The following RAB2A variants were observed in gnomAD, a reference collection of about 807,000 sequenced individuals.
The protein encoded by RAB2A is ras-related protein Rab-2A.
Under a neutral mutation model 32.5 loss-of-function variants are expected in RAB2A, and 7 were observed. The observed-to-expected ratio is 0.22, with a 90% CI of 0.12 to 0.40. The LOEUF (loss-of-function observed/expected upper bound fraction) is 0.40, where lower values mean the gene tolerates loss of function less well. Among genes scored for constraint, RAB2A ranks in the 10% least tolerant of loss-of-function variants. The pLI, the probability that RAB2A is intolerant of heterozygous loss-of-function variation, is 1.00. For synonymous variants in RAB2A, 79 were observed against 85.2 expected, an observed-to-expected ratio of 0.93 and a Z score of 0.40; for missense variants, 108 against 260.7, an observed-to-expected ratio of 0.41 and a Z score of 4.03.
intron 2 of RAB2A, among the ~76,000 whole-genome samples, chr8:60,570,726 C>T (rs1808186368): frequency 6.6e-6 from 1 of 152,114 alleles, no homozygotes; most frequent in Admixed American, 6.5e-5. Context: ...TAAACATCAT[C>T]TTAGTTTCTT....
At chr8:60,540,590 G>A (rs1054755896) in intron 1 of RAB2A, among the ~76,000 whole-genome samples, 1 of 152,078 alleles carries the variant, frequency 6.6e-6, no homozygotes, top group African/African-American at 2.4e-5. Context: ...AGCGATTCCC[G>A]TGCCTCAGCC....
chr8:60,560,382 C>G (rs1421077558), intron 2 of RAB2A, among the ~76,000 whole-genome samples: 1 of 152,200 alleles, frequency 6.6e-6, no homozygotes, highest in Non-Finnish European at 1.5e-5. Flanking sequence ...AGCCACCGCA[C>G]TGGCCTGTTT....
At chr8:60,523,903 G>T (rs561476233) in intron 1 of RAB2A, among the ~76,000 whole-genome samples, 1 of 151,938 alleles carries the variant, frequency 6.6e-6, no homozygotes, top group Non-Finnish European at 1.5e-5. Context: ...TGTTAGCCAG[G>T]ATAGTCTCGA....
chr8:60,532,590 A>C lies in RAB2A; in HGVS notation c.46+15337A>C, dbSNP rs182244405. Reference sequence around the variant, plus strand: ...CAGTGGCATAGTCTCAGCTCACTGCAACCTCTGTCTCCCGGGCTCAAGTGA... The same window carrying C: ...CAGTGGCATAGTCTCAGCTCACTGCCACCTCTGTCTCCCGGGCTCAAGTGA... On this transcript the variant is annotated intron_variant, in intron 1 of 7. Transcript: ENST00000262646. Among the ~76,000 whole-genome samples the C allele has an allele frequency of 4.9e-3, 749 of 152,236 alleles. 7 individuals are homozygous for C. The highest frequency in any genetic ancestry group is 0.017 in the African/African-American group (696 of 41,530).
chr8:60,618,794 T>C lies in RAB2A; in HGVS notation c.543+146T>C, dbSNP rs996795094. 3.0e-4 allele frequency: 79 copies of C among 263,832 alleles called. 1 individual carries two copies. The highest frequency in any genetic ancestry group is 6.5e-5 in the Non-Finnish European group (10 of 154,422). 16.3% of individuals were successfully genotyped at this position (263,832 alleles called of 1,614,324 possible). A position where few individuals can be genotyped will look rare whatever the true frequency, so the allele number is the denominator to read the frequency against. On this transcript the variant is annotated intron_variant, in intron 7 of 7. Transcript: ENST00000262646. ...TGATAATCAGTTAACACCATTAGTT[T>C]ACAGTCATCCAACTGAAAAATTGGT...
intron 6 of RAB2A, among the ~76,000 whole-genome samples, chr8:60,597,798 A>T (rs1157392000): frequency 6.6e-6 from 1 of 152,244 alleles, no homozygotes; most frequent in African/African-American, 2.4e-5. Flanking sequence ...GACCTCTAGC[A>T]AAACTGACAG....
At chr8:60,581,883 T>C (rs1398646821) in intron 3 of RAB2A, among the ~76,000 whole-genome samples, 1 of 151,780 alleles carries the variant, frequency 6.6e-6, no homozygotes, top group East Asian at 1.9e-4. Flanking sequence ...AAACAATCAA[T>C]TTAAAATAAA....
At chr8:60,597,982 A>G (rs185516577) in intron 6 of RAB2A, among the ~76,000 whole-genome samples, 451 of 152,322 alleles carry the variant, frequency 3.0e-3, no homozygotes, top group Non-Finnish European at 5.5e-3. Context: ...ACACCCAGCC[A>G]GTATGAAAAA....
intron 6 of RAB2A, among the ~76,000 whole-genome samples, chr8:60,592,863 G>C (rs1803965332): frequency 6.6e-6 from 1 of 152,140 alleles, no homozygotes; most frequent in East Asian, 1.9e-4. Context: ...TTTATCCAAA[G>C]TAATACTTAG....
At chr8:60,577,792 ATTTTTTTTTTTTTTTTT>A (rs3055112) in intron 3 of RAB2A, among the ~76,000 whole-genome samples, 1 of 112,946 alleles carries the variant, frequency 8.9e-6, no homozygotes, top group Non-Finnish European at 1.7e-5. Context: ...CGCCCGGCTA[ATTTTTTTTTTTTTTTTT>A]TTTTTTGGAT....
chr8:60,525,726 G>GT (rs1249397596), intron 1 of RAB2A, among the ~76,000 whole-genome samples: 18 of 152,100 alleles, frequency 1.2e-4, no homozygotes, highest in African/African-American at 4.3e-4. Flanking sequence ...GCAGCATGCT[G>GT]TAGCCAGCTC....
intron 6 of RAB2A, among the ~76,000 whole-genome samples, chr8:60,609,340 C>T (rs530261559): frequency 1.3e-5 from 2 of 152,350 alleles, no homozygotes; most frequent in East Asian, 1.9e-4. Flanking sequence ...AGCCACCACA[C>T]ACAACATCTG....
intron 1 of RAB2A, chr8:60,552,005 T>G (rs1411201668): frequency 1.0e-5 from 1 of 95,908 alleles, no homozygotes; most frequent in African/African-American, 3.7e-5. Context: ...CTGGGAGTTT[T>G]TTTTTTTTTT....
intron 3 of RAB2A, 48 bp from the exon 4 acceptor site, chr8:60,584,160 G>C (rs1381253291): frequency 7.3e-7 from 1 of 1,376,106 alleles, no homozygotes; most frequent in Non-Finnish European, 1.0e-6. Context: ...TGAAAATGTA[G>C]AGGACATTGT....
At chr8:60,561,304 G>GT (rs1563470384) in intron 2 of RAB2A, among the ~76,000 whole-genome samples, 1 of 151,918 alleles carries the variant, frequency 6.6e-6, no homozygotes, top group Admixed American at 6.6e-5. Flanking sequence ...CTGGCATACC[G>GT]TTTTTTTTCT....
chr8:60,557,372 C>T (rs946780236), intron 1 of RAB2A, among the ~76,000 whole-genome samples: 2 of 151,990 alleles, frequency 1.3e-5, no homozygotes, highest in Non-Finnish European at 2.9e-5. Flanking sequence ...AAAAATTAAT[C>T]GGGCATGGTG....
intron 6 of RAB2A, among the ~76,000 whole-genome samples, chr8:60,597,832 C>G (rs1016246548): frequency 1.3e-5 from 2 of 152,184 alleles, no homozygotes; most frequent in Non-Finnish European, 2.9e-5. Flanking sequence ...TACCAATTAT[C>G]AGTAACAAAA....
intron 1 of RAB2A, among the ~76,000 whole-genome samples, chr8:60,549,316 C>T (rs1247023123): frequency 1.3e-5 from 2 of 152,130 alleles, no homozygotes; most frequent in African/African-American, 4.8e-5. Flanking sequence ...TGTAGCGAGC[C>T]GAGATCACGC....
intron 1 of RAB2A, among the ~76,000 whole-genome samples, chr8:60,529,056 A>T (rs1032409030): frequency 7.9e-5 from 12 of 151,844 alleles, no homozygotes; most frequent in South Asian, 4.2e-4. Flanking sequence ...TTTTCTTCTC[A>T]TGGCTTCTCT....
Sources: gnomAD v4.1 joint callset for allele counts (sites outside exome capture counted in the v4.1 genomes callset) on GRCh38, gnomAD v4.1.1 for gene constraint, MANE v1.5 for transcripts, NCBI Gene and HGNC (gene_info 2026-07-23, HGNC 2026-07-21) for gene names.